Variants in SPDL1 observed in about 807,000 individuals in gnomAD.
The protein encoded by SPDL1 is protein Spindly.
A neutral mutation model predicts 79.5 loss-of-function variants in SPDL1; 85 were observed. The observed-to-expected ratio is 1.07, with a 90% CI of 0.90 to 1.28. The LOEUF (loss-of-function observed/expected upper bound fraction) is 1.28, where lower values mean the gene tolerates loss of function less well. SPDL1 is among the 50% of genes most tolerant of loss of function. SPDL1 has a pLI of 0.00. For missense variants in SPDL1, 703 were observed against 697.8 expected (o/e 1.01, Z -0.08); for synonymous variants, 269 against 240.3 (o/e 1.12, Z -1.10).
At chr5:169,590,959 G>C in intron 2 of SPDL1, 89 bp from the exon 3 acceptor site, 1 of 1,116,702 alleles carries the variant, frequency 9.0e-7, no homozygotes, top group Admixed American at 2.0e-5. Context: ...CTTGAAATAA[G>C]AATGAAACAA....
rs144297297 is a variant in SPDL1 at position 169,596,682 on chromosome 5, G to A, written c.1013G>A (p.Arg338Lys). 2,169 of 1,595,242 alleles carry A rather than the reference G, an allele frequency of 1.4e-3. 4 individuals carry two copies. Among genetic ancestry groups the A allele is most frequent in the Non-Finnish European group, 1.7e-3 (2,028 of 1,174,916 alleles). Residue 338 changes from arginine to lysine, a missense_variant, in exon 8 of 12, where the codon AGA becomes AAA. Transcript: ENST00000265295. ...GEIKHLLGEIRNLEKFKNLYD... is the reference protein window; with the variant it reads ...GEIKHLLGEIKNLEKFKNLYD... ...ATAAAACATCTTTTAGGTGAAATTA[G>A]AAATCTGGAGAAATTTAAGGTATGT...
rs191261863 is a variant in SPDL1, at chr5:169,590,848, T to G, written c.160-200T>G. 2.8e-4 allele frequency: 172 copies of G among 625,216 alleles called. No homozygotes were observed. The African/African-American group carries it at 2.9e-3, about 11-fold the overall frequency. 38.7% of individuals were successfully genotyped at this position (625,216 alleles called of 1,614,324 possible). ...CAGTAAGGTATCCCTTGCATGGGTT[T>G]AACATAGTTTCGAAATACACCTCAG... On this transcript the variant is annotated intron_variant, in intron 2 of 11. Transcript: ENST00000265295.
intron 11 of SPDL1, among the ~76,000 whole-genome samples, chr5:169,602,807 A>G (rs937895933): frequency 6.6e-6 from 1 of 152,222 alleles, no homozygotes; most frequent in Non-Finnish European, 1.5e-5. Context: ...GTAACTTCAA[A>G]TGAGTATCTG....
At chr5:169,587,752 A>G (rs1405967556) in intron 1 of SPDL1, among the ~76,000 whole-genome samples, 2 of 152,064 alleles carry the variant, frequency 1.3e-5, no homozygotes, top group Non-Finnish European at 2.9e-5. Flanking sequence ...TATCATTATT[A>G]TTTCTCAAGA....
At chr5:169,589,613 G>A (rs1318702909) in intron 2 of SPDL1, among the ~76,000 whole-genome samples, 1 of 150,760 alleles carries the variant, frequency 6.6e-6, no homozygotes, top group Non-Finnish European at 1.5e-5. Flanking sequence ...TGAGTCCTCA[G>A]ATTTCAGCTT....
At chr5:169,600,900 T>A (rs564884598) in intron 10 of SPDL1, among the ~76,000 whole-genome samples, 1 of 152,122 alleles carries the variant, frequency 6.6e-6, no homozygotes, top group Non-Finnish European at 1.5e-5. Context: ...GTTAAATAAT[T>A]CCCCAAAGAC....
Position 169,604,477 on chromosome 5 carries a change from C to A in SPDL1, c.*270C>A. 1 of 211,214 alleles carries A rather than the reference C, an allele frequency of 4.7e-6. No individual in the cohort carries two copies. The highest frequency in any genetic ancestry group is 9.4e-6 in the Non-Finnish European group (1 of 106,856). 13.1% of individuals were successfully genotyped at this position (211,214 alleles called of 1,614,324 possible). On this transcript the variant is annotated 3_prime_UTR_variant, in exon 12 of 12. Coordinates refer to ENST00000265295, the MANE Select transcript of SPDL1 (RefSeq NM_017785.5). ...TTATAATTAATGTATCTATTTGCTG[C>A]ATTGTATATGGATTAAATGATAAAA...
At chr5:169,597,912 G>T (rs1755674027) in intron 8 of SPDL1, among the ~76,000 whole-genome samples, 1 of 152,120 alleles carries the variant, frequency 6.6e-6, no homozygotes, top group Admixed American at 6.5e-5. Context: ...TAAATCAGGG[G>T]AATTTTATTT....
chr5:169,599,316 A>G (rs191671042), intron 10 of SPDL1, among the ~76,000 whole-genome samples, 157 bp downstream of exon 10: 1 of 152,226 alleles, frequency 6.6e-6, no homozygotes, highest in Non-Finnish European at 1.5e-5. Flanking sequence ...TAAAATAGGT[A>G]GGAAAATTCA....
At position 169,588,378 on chromosome 5, in the gene SPDL1, T is replaced by C. The variant is rs1030822617; in HGVS notation, c.-23-16T>C. On this transcript the variant is annotated splice_polypyrimidine_tract_variant and intron_variant, in intron 1 of 11. Transcript: ENST00000265295. ...TTTTGTATAAGCTTAAGTAGTTTTATTTCCTCTATTTACAGTTGGCTAAAA... is the reference window on the plus strand; with the variant it reads ...TTTTGTATAAGCTTAAGTAGTTTTACTTCCTCTATTTACAGTTGGCTAAAA... The C allele has an allele frequency of 2.6e-6, 4 of 1,554,022 alleles. No individual in the cohort carries two copies. The African/African-American group carries it at 5.5e-5, about 22-fold the overall frequency.
chr5:169,592,790 T>C (rs1199401009), intron 3 of SPDL1, among the ~76,000 whole-genome samples: 1 of 145,398 alleles, frequency 6.9e-6, no homozygotes, highest in African/African-American at 2.5e-5. Context: ...GAGGTAAGGC[T>C]AATTATAGAG....
At chr5:169,592,276 G>A (rs535682063) in intron 3 of SPDL1, among the ~76,000 whole-genome samples, 2 of 143,026 alleles carry the variant, frequency 1.4e-5, no homozygotes, top group Non-Finnish European at 3.0e-5. Context: ...GAGTGCAGTG[G>A]CATGATCTCG....
intron 11 of SPDL1, among the ~76,000 whole-genome samples, chr5:169,603,684 T>A (rs1307405235): frequency 6.6e-6 from 1 of 152,086 alleles, no homozygotes; most frequent in Non-Finnish European, 1.5e-5. Context: ...TGAAACCCTG[T>A]CTCTACTAAA....
In SPDL1 at chr5:169,594,493, G is replaced by A. The variant is rs1430396582; in HGVS notation, c.780+1G>A. The A allele has an allele frequency of 1.2e-6, 2 of 1,613,282 alleles. No homozygotes were observed. The highest frequency in any genetic ancestry group is 1.7e-6 in the Non-Finnish European group (2 of 1,179,354). ...TAAAGGCAACTCTTTGTTTGCAGAG[G>A]TACTTATAAGTATCCTAACTACTAA... On this transcript the variant is annotated splice_donor_variant, in intron 6 of 11. Transcript: ENST00000265295. LOFTEE classifies it high-confidence loss of function.
At chr5:169,587,892 G>C (rs1385443953) in intron 1 of SPDL1, among the ~76,000 whole-genome samples, 1 of 152,028 alleles carries the variant, frequency 6.6e-6, no homozygotes, top group Non-Finnish European at 1.5e-5. Flanking sequence ...TATTTCTATT[G>C]ATTGATTGAT....
At chr5:169,586,880 A>C (rs1012549407) in intron 1 of SPDL1, among the ~76,000 whole-genome samples, 1 of 152,070 alleles carries the variant, frequency 6.6e-6, no homozygotes, top group African/African-American at 2.4e-5. Flanking sequence ...CAGATCCTCT[A>C]CTCCAGACTT....
chr5:169,603,021 A>G (rs1343645878), intron 11 of SPDL1, among the ~76,000 whole-genome samples: 1 of 152,098 alleles, frequency 6.6e-6, no homozygotes, highest in Non-Finnish European at 1.5e-5. Context: ...ACTTAAGCAA[A>G]TGTATGTGGC....
At position 169,588,489 on chromosome 5, in the gene SPDL1, C is replaced by T. The variant is rs1349878739; in HGVS notation, c.73C>T (p.Gln25Ter). The T allele has an allele frequency of 6.2e-6, 10 of 1,613,770 alleles. No homozygotes were observed. Among genetic ancestry groups the T allele is most frequent in the Non-Finnish European group, 8.5e-6 (10 of 1,179,822 alleles). ...EAEEERLKAA[Q>*]YGLQLVESQN... is the part of the protein sequence containing the mutation. The stretch of plus-strand genomic sequence containing the variant: ...TGAAGAAGAGCGACTAAAAGCTGCA[C>T]AGTATGGTTTACAACTAGTAGAGAG... The change falls in exon 2 of 12, where the codon CAG becomes TAG. Residue 25 changes from glutamine (Q) to a stop codon, truncating the protein, a stop_gained. Transcript: ENST00000265295. LOFTEE classifies it high-confidence loss of function.
intron 8 of SPDL1, among the ~76,000 whole-genome samples, chr5:169,598,036 G>C (rs546774215): frequency 1.3e-5 from 2 of 152,134 alleles, no homozygotes; most frequent in African/African-American, 4.8e-5. Flanking sequence ...TGCCTGGGGT[G>C]GGGGGAAGAA....
Sources: allele counts gnomAD v4.1 joint callset (sites outside exome capture counted in the v4.1 genomes callset), GRCh38; gene constraint gnomAD v4.1.1; transcripts MANE v1.5; gene names NCBI Gene and HGNC (gene_info 2026-07-23, HGNC 2026-07-21).